Variants in BICDL1 observed in about 807,000 individuals in gnomAD.
The protein encoded by BICDL1 is BICD family-like cargo adapter 1.
BICDL1 carries 20 observed loss-of-function variants against 76.8 expected under a neutral mutation model. The observed-to-expected ratio is 0.26, with a 90% CI of 0.18 to 0.38. The LOEUF (loss-of-function observed/expected upper bound fraction) is 0.38. BICDL1 is among the 10% of genes least tolerant of loss of function. The pLI is 1.00. For synonymous variants in BICDL1, 383 were observed against 337.1 expected (o/e 1.14, Z -1.49); for missense variants, 700 against 798.6 (o/e 0.88, Z 1.49).
intron 2 of BICDL1, among the ~76,000 whole-genome samples, chr12:120,028,372 CAA>C (rs11313842): frequency 6.9e-6 from 1 of 145,214 alleles, no homozygotes. Context: ...AATTGGTTTC[CAA>C]AAAAAAAAAA....
At chr12:120,086,093 A>G (rs1055178292) in intron 8 of BICDL1, among the ~76,000 whole-genome samples, 4 of 152,070 alleles carry the variant, frequency 2.6e-5, no homozygotes, top group Non-Finnish European at 5.9e-5. Context: ...CCTGCTTTCA[A>G]AGGAGGCCCA....
At chr12:120,038,961 T>G (rs1952578554) in intron 2 of BICDL1, among the ~76,000 whole-genome samples, 1 of 152,146 alleles carries the variant, frequency 6.6e-6, no homozygotes, top group Admixed American at 6.5e-5. Flanking sequence ...TGTCATTAGA[T>G]TCTTAAAATA....
At chr12:120,033,733 G>T (rs929970736) in intron 2 of BICDL1, among the ~76,000 whole-genome samples, 1 of 151,962 alleles carries the variant, frequency 6.6e-6, no homozygotes, top group Non-Finnish European at 1.5e-5. Context: ...TCATAATGAC[G>T]TTTAGCTCCT....
chr12:120,071,742 C>A lies in BICDL1; in HGVS notation c.1030C>A (p.Leu344Ile). 1 of 1,612,244 alleles carries A rather than the reference C, an allele frequency of 6.2e-7. No individual in the cohort carries two copies. Among genetic ancestry groups the A allele is most frequent in the Non-Finnish European group, 8.5e-7 (1 of 1,179,852 alleles). Reference protein sequence around the residue: ...LQSSAATSTSLLSEIEQSMEA... With the variant: ...LQSSAATSTSILSEIEQSMEA... ...GAGCTCTGCCGCCACCAGCACATCC[C>A]TCCTGTCAGAGATCGAGCAGAGCAT... Residue 344 changes from leucine (L) to isoleucine (I), a missense_variant, in exon 5 of 10, where the codon CTC becomes ATC. Physicochemically the swap from Leu to Ile is conservative, Grantham distance 5. Coordinates refer to ENST00000548673, the MANE Select transcript of BICDL1 (RefSeq NM_001367886.1). This position sits in a 1 kb window ranked among gnomAD's most constrained non-coding sequence, Gnocchi z 4.8.
At chr12:120,038,124 A>C (rs1952561972) in intron 2 of BICDL1, among the ~76,000 whole-genome samples, 1 of 152,186 alleles carries the variant, frequency 6.6e-6, no homozygotes, top group South Asian at 2.1e-4. Flanking sequence ...AGCAGTTGGG[A>C]ATGGAGTCCA....
intron 2 of BICDL1, among the ~76,000 whole-genome samples, chr12:120,014,657 A>G (rs985177088): frequency 6.6e-6 from 1 of 151,640 alleles, no homozygotes; most frequent in African/African-American, 2.4e-5. Context: ...ACGGCACTGC[A>G]CTACAGCCTG....
At chr12:119,994,366 T>A (rs1217200879) in intron 1 of BICDL1, among the ~76,000 whole-genome samples, 1 of 152,120 alleles carries the variant, frequency 6.6e-6, no homozygotes, top group African/African-American at 2.4e-5. Context: ...TGTACTGGAC[T>A]TCTGAGCATA....
chr12:120,054,541 G>A (rs557197534), intron 2 of BICDL1, among the ~76,000 whole-genome samples: 1 of 152,148 alleles, frequency 6.6e-6, no homozygotes, highest in Non-Finnish European at 1.5e-5. Context: ...ATAAGGGAAT[G>A]GTAAAGGAAA....
chr12:120,039,030 ACT>A (rs1161974441), intron 2 of BICDL1, among the ~76,000 whole-genome samples: 1 of 152,114 alleles, frequency 6.6e-6, no homozygotes, highest in Non-Finnish European at 1.5e-5. Flanking sequence ...GGGCACGGTG[ACT>A]CAGCCTGTAA....
intron 2 of BICDL1, among the ~76,000 whole-genome samples, chr12:120,051,020 C>G (rs1026084342): frequency 1.3e-5 from 2 of 152,068 alleles, no homozygotes; most frequent in Non-Finnish European, 2.9e-5. Flanking sequence ...ACATTTTCCT[C>G]TTCCCTGGAG....
intron 2 of BICDL1, among the ~76,000 whole-genome samples, chr12:120,013,915 C>G (rs577462776): frequency 1.3e-5 from 2 of 152,190 alleles, no homozygotes; most frequent in Non-Finnish European, 2.9e-5. Flanking sequence ...TGGTGGAAAC[C>G]CCCGCATATT....
In BICDL1 at chr12:120,074,503, T is replaced by C; in HGVS notation, c.1369T>C (p.Ser457Pro). Residue 457 changes from serine to proline, a missense_variant, in exon 7 of 10, where the codon TCG becomes CCG. Physicochemically the swap from Ser to Pro is moderately conservative, Grantham distance 74. Around this residue, in one of 3 missense-constraint regions of BICDL1, gnomAD observed 455 missense variants for 548.7 expected, o/e 0.83. Coordinates refer to ENST00000548673, the MANE Select transcript of BICDL1 (RefSeq NM_001367886.1). ...ACAGATAAGGCAGACCAGTGAGGAC[T>C]CGAGAGCCCTAAGGGAGCTCATGGA... ...EEQIRQTSED[S>P]RALRELMEGE... The C allele has an allele frequency of 7.8e-7, 1 of 1,281,814 alleles. No homozygotes were observed. The highest frequency in any genetic ancestry group is 1.0e-6 in the Non-Finnish European group (1 of 985,124). 79.4% of individuals were successfully genotyped at this position (1,281,814 alleles called of 1,614,324 possible).
chr12:120,032,745 ATTTTTT>A (rs35727779), intron 2 of BICDL1, among the ~76,000 whole-genome samples: 2 of 124,486 alleles, frequency 1.6e-5, no homozygotes, highest in African/African-American at 6.5e-5. Flanking sequence ...TACATCTATA[ATTTTTT>A]TTTTTTTTTT....
At chr12:119,995,379 C>G (rs910551028) in intron 1 of BICDL1, among the ~76,000 whole-genome samples, 1 of 152,166 alleles carries the variant, frequency 6.6e-6, no homozygotes, top group East Asian at 1.9e-4. Context: ...CAAAGAAATA[C>G]AAGGACTGAA....
chr12:120,008,246 C>T (rs1371932992), intron 2 of BICDL1, among the ~76,000 whole-genome samples: 3 of 149,804 alleles, frequency 2.0e-5, no homozygotes, highest in Non-Finnish European at 4.4e-5. Context: ...ATAGCCTTGA[C>T]CTCCTGGGAT....
intron 8 of BICDL1, among the ~76,000 whole-genome samples, chr12:120,089,425 G>A (rs1874765589): frequency 6.6e-6 from 1 of 151,856 alleles, no homozygotes; most frequent in Non-Finnish European, 1.5e-5. Context: ...TGCTCTTTTT[G>A]CCCAGGATGG....
intron 2 of BICDL1, among the ~76,000 whole-genome samples, chr12:120,043,104 G>A (rs1028440389): frequency 2.0e-5 from 3 of 152,146 alleles, no homozygotes; most frequent in Non-Finnish European, 4.4e-5. Flanking sequence ...TTTCTTTATC[G>A]ATGAAATGGG....
intron 9 of BICDL1, chr12:120,091,452 T>G (rs906509233): frequency 1.0e-6 from 1 of 1,000,760 alleles, no homozygotes; most frequent in African/African-American, 1.7e-5. Context: ...TTAGCGTAGA[T>G]TTTACTGAGC....
intron 4 of BICDL1, among the ~76,000 whole-genome samples, chr12:120,067,464 A>G (rs1437618362): frequency 6.6e-6 from 1 of 152,262 alleles, no homozygotes; most frequent in Non-Finnish European, 1.5e-5. Flanking sequence ...TTATTCATAC[A>G]TATAAGTATA....
Sources: gnomAD v4.1 joint callset for allele counts (sites outside exome capture counted in the v4.1 genomes callset) on GRCh38, gnomAD v4.1.1 for gene constraint, gnomAD v4.1.1 regional missense constraint, Gnocchi (gnomAD v3.1) non-coding constraint, MANE v1.5 for transcripts, NCBI Gene and HGNC (gene_info 2026-07-23, HGNC 2026-07-21) for gene names.